Variants in BACH2 observed in about 807,000 individuals in gnomAD.
BACH2 encodes BACH transcriptional regulator 2, also known as transcription regulator protein BACH2.
In BACH2, 5 loss-of-function variants were observed where a neutral mutation model predicts 61.8. The observed-to-expected ratio is 0.08, with a 90% CI of 0.04 to 0.17. The LOEUF is 0.17. BACH2 is among the 10% of genes least tolerant of loss of function. The probability of loss-of-function intolerance (pLI) is 1.00; values close to 1 mark genes in which losing one functional copy is unlikely to be tolerated. For synonymous variants in BACH2, 446 were observed against 440.1 expected, an observed-to-expected ratio of 1.01 and a Z score of -0.17; for missense variants, 824 against 1,091.1, an observed-to-expected ratio of 0.76 and a Z score of 3.45.
At chr6:90,279,189 T>C (rs1012683689) in intron 1 of BACH2, among the ~76,000 whole-genome samples, 5 of 151,878 alleles carry the variant, frequency 3.3e-5, no homozygotes, top group African/African-American at 1.2e-4. Flanking sequence ...ACAAACGCTA[T>C]AGGAATATGC....
chr6:90,271,235 CT>C (rs1771508457), intron 2 of BACH2, among the ~76,000 whole-genome samples: 1 of 148,130 alleles, frequency 6.8e-6, no homozygotes, highest in Non-Finnish European at 1.5e-5. Flanking sequence ...CCTAATTAAA[CT>C]AAAAAATCAA....
intron 5 of BACH2, among the ~76,000 whole-genome samples, chr6:90,041,037 C>T (rs962976038): frequency 4.7e-4 from 72 of 152,218 alleles, no homozygotes; most frequent in Middle Eastern, 3.4e-3. Context: ...TTAACCTCGT[C>T]CTTTTGACTT....
chr6:90,092,744 A>C (rs1296075267), intron 4 of BACH2, among the ~76,000 whole-genome samples: 3 of 152,198 alleles, frequency 2.0e-5, no homozygotes, highest in Non-Finnish European at 1.5e-5. Flanking sequence ...AGAAGATCTG[A>C]GTTTTATTTC....
intron 5 of BACH2, among the ~76,000 whole-genome samples, chr6:90,017,812 A>C (rs1315558634): frequency 1.3e-5 from 2 of 152,112 alleles, no homozygotes; most frequent in Non-Finnish European, 2.9e-5. Context: ...ATTTATCTTC[A>C]TTGTGAGTTA....
chr6:90,280,568 T>G (rs1373708136), intron 1 of BACH2, among the ~76,000 whole-genome samples: 1 of 152,170 alleles, frequency 6.6e-6, no homozygotes, highest in African/African-American at 2.4e-5. Context: ...TGAGGGATCT[T>G]AGAGACATTT....
intron 3 of BACH2, among the ~76,000 whole-genome samples, chr6:90,207,753 C>G (rs906417466): frequency 6.6e-6 from 1 of 152,134 alleles, no homozygotes; most frequent in African/African-American, 2.4e-5. Flanking sequence ...TATAACCCCA[C>G]AAGCCCACCA....
intron 5 of BACH2, among the ~76,000 whole-genome samples, chr6:90,057,182 G>A (rs976164017): frequency 2.0e-5 from 3 of 152,016 alleles, no homozygotes; most frequent in Non-Finnish European, 2.9e-5. Flanking sequence ...ATGAATCCAG[G>A]AGCTGGTTTT....
intron 1 of BACH2, among the ~76,000 whole-genome samples, chr6:90,278,448 C>T (rs1582560398): frequency 6.6e-6 from 1 of 152,324 alleles, no homozygotes; most frequent in Middle Eastern, 3.4e-3. Context: ...TTTTTTAGTG[C>T]CTCAACCGTC....
At chr6:90,090,416 G>C (rs1229641525) in intron 4 of BACH2, among the ~76,000 whole-genome samples, 3 of 152,098 alleles carry the variant, frequency 2.0e-5, no homozygotes, top group African/African-American at 7.2e-5. Context: ...TAGAAAGATT[G>C]CACCAATTTA....
intron 3 of BACH2, among the ~76,000 whole-genome samples, chr6:90,212,999 G>A (rs73752899): frequency 0.011 from 1,657 of 152,254 alleles, 14 homozygotes; most frequent in African/African-American, 0.031. Flanking sequence ...AATGTAAATC[G>A]CAGTCTCCAG....
At chr6:90,108,428 T>C (rs536446223) in intron 4 of BACH2, among the ~76,000 whole-genome samples, 11 of 152,166 alleles carry the variant, frequency 7.2e-5, no homozygotes, top group East Asian at 1.9e-4. Context: ...CCTCTTCCAA[T>C]TGACATAATA....
At chr6:89,978,633 TAAAAAAAAAA>T (rs753724278) in intron 6 of BACH2, among the ~76,000 whole-genome samples, 2 of 86,054 alleles carry the variant, frequency 2.3e-5, no homozygotes, top group African/African-American at 8.7e-5. Context: ...GTGTTGGCTT[TAAAAAAAAAA>T]AAAAAAAAAA....
At chr6:90,037,879 G>A (rs1562390317) in intron 5 of BACH2, among the ~76,000 whole-genome samples, 1 of 152,178 alleles carries the variant, frequency 6.6e-6, no homozygotes, top group Non-Finnish European at 1.5e-5. Context: ...GAGACACAGG[G>A]AGAACAACAC....
intron 2 of BACH2, among the ~76,000 whole-genome samples, chr6:90,260,445 TA>T (rs1405454462): frequency 6.6e-6 from 1 of 152,194 alleles, no homozygotes; most frequent in Non-Finnish European, 1.5e-5. Context: ...ATTTCAATCT[TA>T]AATTTTGTGG....
intron 4 of BACH2, among the ~76,000 whole-genome samples, chr6:90,147,297 A>G (rs1784654550): frequency 1.3e-5 from 2 of 152,136 alleles, no homozygotes; most frequent in African/African-American, 4.8e-5. Flanking sequence ...CCTTCCTCAG[A>G]TGGCCTTTTT....
At chr6:89,998,817 C>A (rs1180642881) in intron 6 of BACH2, among the ~76,000 whole-genome samples, 1 of 152,008 alleles carries the variant, frequency 6.6e-6, no homozygotes, top group Non-Finnish European at 1.5e-5. Context: ...GTGTTCTCAC[C>A]ATAAGAAGGG....
At chr6:90,284,169 T>C (rs1270148103) in intron 1 of BACH2, among the ~76,000 whole-genome samples, 2 of 152,134 alleles carry the variant, frequency 1.3e-5, no homozygotes, top group Non-Finnish European at 1.5e-5. Flanking sequence ...GAAGCTAAGA[T>C]AGTGATCTCT....
chr6:90,016,597 A>C (rs1778077417), intron 5 of BACH2, among the ~76,000 whole-genome samples: 1 of 152,054 alleles, frequency 6.6e-6, no homozygotes, highest in Non-Finnish European at 1.5e-5. Context: ...TGTATTATAC[A>C]TTTTACTTGT....
chr6:90,126,030 GGAGA>G (rs1783835494), intron 4 of BACH2, among the ~76,000 whole-genome samples: 1 of 152,296 alleles, frequency 6.6e-6, no homozygotes, highest in South Asian at 2.1e-4. Context: ...AGGAAAGCGT[GGAGA>G]GAGAAAGTCT....
Sources: allele counts gnomAD v4.1 joint callset (sites outside exome capture counted in the v4.1 genomes callset), GRCh38; gene constraint gnomAD v4.1.1; transcripts MANE v1.5; gene names NCBI Gene and HGNC (gene_info 2026-07-23, HGNC 2026-07-21).